SYNPR: variants seen among roughly 807,000 people sequenced by gnomAD.
The protein encoded by SYNPR is synaptoporin.
SYNPR carries 23 observed loss-of-function variants against 32.9 expected under a neutral mutation model. The ratio of observed to expected loss-of-function variants is 0.70; its 90% CI spans 0.50 to 0.99. The LOEUF is 0.99. SYNPR is among the 50% of genes least tolerant of loss of function. SYNPR has a pLI of 0.00. For missense variants in SYNPR, 318 were observed against 349.3 expected (o/e 0.91, Z 0.71); for synonymous variants, 146 against 135.9 (o/e 1.07, Z -0.52).
chr3:63,498,374 G>A (rs974279642), intron 3 of SYNPR, among the ~76,000 whole-genome samples: 1 of 152,056 alleles, frequency 6.6e-6, no homozygotes, highest in Non-Finnish European at 1.5e-5. Context: ...GATTGATTGG[G>A]GCCTTCTCAT....
At chr3:63,305,344 T>C (rs1292337645) in intron 2 of SYNPR, among the ~76,000 whole-genome samples, 1 of 152,024 alleles carries the variant, frequency 6.6e-6, no homozygotes, top group East Asian at 1.9e-4. Flanking sequence ...TCAGAAATTA[T>C]GTGAATAGTA....
intron 2 of SYNPR, among the ~76,000 whole-genome samples, chr3:63,300,673 C>G (rs2106940935): frequency 6.6e-6 from 1 of 152,192 alleles, no homozygotes; most frequent in East Asian, 1.9e-4. Flanking sequence ...CAGTCTAATA[C>G]TGGGATACAA....
intron 2 of SYNPR, among the ~76,000 whole-genome samples, chr3:63,280,297 A>G (rs1262631080): frequency 2.0e-5 from 3 of 152,206 alleles, no homozygotes; most frequent in African/African-American, 7.2e-5. Context: ...ACTTGTTCAA[A>G]TTACAGGTTT....
chr3:63,364,694 C>G (rs973615771), intron 2 of SYNPR, among the ~76,000 whole-genome samples: 1 of 152,098 alleles, frequency 6.6e-6, no homozygotes, highest in Admixed American at 6.5e-5. Flanking sequence ...CCACCAACTA[C>G]TTGTATTATT....
At chr3:63,518,599 A>G (rs561218646) in intron 3 of SYNPR, among the ~76,000 whole-genome samples, 1 of 152,228 alleles carries the variant, frequency 6.6e-6, no homozygotes, top group South Asian at 2.1e-4. Context: ...CTAAATTCCA[A>G]TTATAGCCCT....
At chr3:63,394,602 T>A (rs1182270818) in intron 2 of SYNPR, among the ~76,000 whole-genome samples, 1 of 152,196 alleles carries the variant, frequency 6.6e-6, no homozygotes, top group Non-Finnish European at 1.5e-5. Context: ...CTTTTCTAGA[T>A]CAGAGGCGTC....
chr3:63,513,684 C>T (rs4435636), intron 3 of SYNPR, among the ~76,000 whole-genome samples: 51,513 of 151,732 alleles, frequency 0.34, 8,997 homozygotes, highest in East Asian at 0.47. Context: ...ATTGTGCCTC[C>T]CAAAAGATAT....
At chr3:63,502,181 T>A (rs1480584929) in intron 3 of SYNPR, among the ~76,000 whole-genome samples, 1 of 152,168 alleles carries the variant, frequency 6.6e-6, no homozygotes, top group East Asian at 1.9e-4. Flanking sequence ...TTCCCATTAG[T>A]GGCTTGCATT....
chr3:63,228,452 T>A (rs537483550), intron 1 of SYNPR: 2 of 152,330 alleles, frequency 1.3e-5, no homozygotes, highest in East Asian at 3.9e-4. Context: ...CTTTAACTTA[T>A]AAGTAAAGAC....
intron 2 of SYNPR, among the ~76,000 whole-genome samples, chr3:63,441,332 C>T (rs73110882): frequency 0.12 from 18,907 of 152,094 alleles, 1,363 homozygotes; most frequent in East Asian, 0.28. Context: ...CAATGGGACT[C>T]TTAATATTCA....
At chr3:63,229,846 C>A (rs113106732) in intron 1 of SYNPR, among the ~76,000 whole-genome samples, 2,682 of 152,234 alleles carry the variant, frequency 0.018, 84 homozygotes, top group African/African-American at 0.06. Context: ...ATGGTGAACA[C>A]TGCAATTACT....
intron 2 of SYNPR, among the ~76,000 whole-genome samples, chr3:63,355,704 G>GC (rs145600863): frequency 0.16 from 23,597 of 151,256 alleles, 2,041 homozygotes; most frequent in Non-Finnish European, 0.19. Context: ...CAGTACTCTG[G>GC]CCCCCCCAGC....
intron 2 of SYNPR, among the ~76,000 whole-genome samples, chr3:63,284,720 T>C (rs1335215339): frequency 6.6e-6 from 1 of 152,138 alleles, no homozygotes. Flanking sequence ...ATTTATAATT[T>C]ATGCTATTGA....
intron 1 of SYNPR, among the ~76,000 whole-genome samples, chr3:63,247,656 T>C (rs2086302358): frequency 6.6e-6 from 1 of 152,220 alleles, no homozygotes; most frequent in South Asian, 2.1e-4. Flanking sequence ...CTCTAACACT[T>C]GGATGACCAC....
At chr3:63,229,492 T>C (rs191223769) in intron 1 of SYNPR, among the ~76,000 whole-genome samples, 45 of 152,298 alleles carry the variant, frequency 3.0e-4, no homozygotes, top group Admixed American at 1.6e-3. Context: ...AATTATCTTC[T>C]ATTCATGATC....
intron 2 of SYNPR, chr3:63,452,204 G>A (rs1700391601): frequency 3.2e-6 from 2 of 617,468 alleles, no homozygotes; most frequent in Admixed American, 2.4e-5. Flanking sequence ...CAGCCACTGG[G>A]TGCCGGGTTA....
intron 2 of SYNPR, among the ~76,000 whole-genome samples, chr3:63,467,158 A>G (rs1700699026): frequency 6.6e-6 from 1 of 152,104 alleles, no homozygotes; most frequent in Non-Finnish European, 1.5e-5. Context: ...CTACAGGCGC[A>G]TGCCACCCAG....
intron 2 of SYNPR, among the ~76,000 whole-genome samples, chr3:63,334,550 GT>G (rs2087263849): frequency 1.7e-5 from 2 of 119,940 alleles, no homozygotes; most frequent in African/African-American, 5.7e-5. Context: ...GTGTGTGTGT[GT>G]GTGTGTGGAC....
intron 2 of SYNPR, among the ~76,000 whole-genome samples, chr3:63,477,137 G>C (rs1281601982): frequency 6.6e-6 from 1 of 152,146 alleles, no homozygotes; most frequent in Non-Finnish European, 1.5e-5. Context: ...GAGTAACTGG[G>C]AGGGGAATCA....
Sources: allele counts gnomAD v4.1 joint callset (sites outside exome capture counted in the v4.1 genomes callset), GRCh38; gene constraint gnomAD v4.1.1; transcripts MANE v1.5; gene names NCBI Gene and HGNC (gene_info 2026-07-23, HGNC 2026-07-21).